PCSK5: variants seen among roughly 807,000 people sequenced by gnomAD.
PCSK5 encodes the protein proprotein convertase subtilisin/kexin type 5.
In PCSK5, 129 loss-of-function variants were observed where a neutral mutation model predicts 233.2. That is an observed-to-expected ratio of 0.55 (90% CI 0.48 to 0.64). PCSK5 has a LOEUF of 0.64. Among genes scored for constraint, PCSK5 ranks in the 30% least tolerant of loss-of-function variants. The pLI is 0.00. For missense variants in PCSK5, 2,076 were observed against 2,430.1 expected (o/e 0.85, Z 3.06); for synonymous variants, 825 against 879.2 (o/e 0.94, Z 1.09).
intron 35 of PCSK5, among the ~76,000 whole-genome samples, chr9:76,347,858 T>C: frequency 6.7e-6 from 1 of 150,128 alleles, no homozygotes; most frequent in Non-Finnish European, 1.5e-5. Context: ...CTTTTAGTGT[T>C]TTCTACTCTT....
At chr9:76,285,650 C>G (rs1828039171) in intron 24 of PCSK5, among the ~76,000 whole-genome samples, 1 of 152,090 alleles carries the variant, frequency 6.6e-6, no homozygotes, top group Non-Finnish European at 1.5e-5. Context: ...AAATTACCCC[C>G]CCACCACCAG....
At chr9:75,920,371 C>T (rs1286649153) in intron 1 of PCSK5, among the ~76,000 whole-genome samples, 1 of 152,138 alleles carries the variant, frequency 6.6e-6, no homozygotes, top group Non-Finnish European at 1.5e-5. Flanking sequence ...TCAATGCAGC[C>T]TCAAACTCCT....
intron 3 of PCSK5, among the ~76,000 whole-genome samples, chr9:76,008,699 A>T (rs1827591354): frequency 6.6e-6 from 1 of 152,142 alleles, no homozygotes; most frequent in Admixed American, 6.5e-5. Flanking sequence ...TGACCTCGTG[A>T]TCCACCTGCC....
intron 2 of PCSK5, among the ~76,000 whole-genome samples, chr9:75,968,584 A>G (rs777798114): frequency 2.6e-5 from 4 of 152,234 alleles, no homozygotes; most frequent in Non-Finnish European, 5.9e-5. Context: ...GCCCTCACCT[A>G]GAAGGTGCGA....
intron 30 of PCSK5, among the ~76,000 whole-genome samples, chr9:76,311,276 G>T (rs1184388738): frequency 6.6e-6 from 1 of 151,540 alleles, no homozygotes; most frequent in Non-Finnish European, 1.5e-5. Context: ...AGGATTCCTT[G>T]AGCCCAGGAG....
intron 5 of PCSK5, among the ~76,000 whole-genome samples, chr9:76,045,063 A>G (rs905853469): frequency 6.6e-6 from 1 of 152,226 alleles, no homozygotes; most frequent in African/African-American, 2.4e-5. Flanking sequence ...GATGTAGAAG[A>G]GGAACATGAT....
At chr9:76,313,934 T>A (rs531936822) in intron 30 of PCSK5, among the ~76,000 whole-genome samples, 75 of 152,154 alleles carry the variant, frequency 4.9e-4, no homozygotes, top group Non-Finnish European at 9.1e-4. Flanking sequence ...CCCAGCAAAC[T>A]CAGCCAAGTG....
chr9:75,969,148 G>A (rs1241989653), intron 2 of PCSK5, among the ~76,000 whole-genome samples: 2 of 152,126 alleles, frequency 1.3e-5, no homozygotes, highest in Admixed American at 6.6e-5. Flanking sequence ...GGTTACAAAC[G>A]ACAATGAATC....
rs560289458 is a variant in PCSK5 at position 76,090,375 on chromosome 9, A to T, written c.895-5515A>T. Among the ~76,000 whole-genome samples, 3 of 152,162 alleles carry T rather than the reference A, an allele frequency of 2.0e-5. No individual in the cohort carries two copies. The East Asian group carries it at 5.8e-4, about 29-fold the overall frequency. ...CCCCCTGTGCCTCTGTAGGAAATGT[A>T]TCTTTGAATTGCTAATTGTTTAGGA... On this transcript the variant is annotated intron_variant, in intron 7 of 37. Coordinates refer to ENST00000674117, the MANE Select transcript of PCSK5 (RefSeq NM_001372043.1).
chr9:76,114,071 G>A (rs1832330351), intron 9 of PCSK5, among the ~76,000 whole-genome samples: 1 of 152,042 alleles, frequency 6.6e-6, no homozygotes, highest in African/African-American at 2.4e-5. Flanking sequence ...TACTCTTAGA[G>A]TTTTTTTGTG....
chr9:76,134,400 G>A (rs1336953895), intron 10 of PCSK5, among the ~76,000 whole-genome samples, 188 bp downstream of exon 10: 2 of 152,004 alleles, frequency 1.3e-5, no homozygotes, highest in East Asian at 3.9e-4. Flanking sequence ...AGATAAGGGA[G>A]ATTTCTTTGG....
At chr9:75,908,470 T>A (rs1224877999) in intron 1 of PCSK5, among the ~76,000 whole-genome samples, 1 of 152,314 alleles carries the variant, frequency 6.6e-6, no homozygotes, top group Non-Finnish European at 1.5e-5. Context: ...TCTTACCCTG[T>A]CCCCACTGCC....
At chr9:76,263,872 G>T (rs1471280333) in intron 24 of PCSK5, among the ~76,000 whole-genome samples, 1 of 151,918 alleles carries the variant, frequency 6.6e-6, no homozygotes, top group Non-Finnish European at 1.5e-5. Flanking sequence ...TATCATTAAA[G>T]TGGCCATACT....
intron 20 of PCSK5, chr9:76,205,333 T>G (rs895136726): frequency 3.5e-4 from 169 of 481,852 alleles, no homozygotes; most frequent in Admixed American, 1.1e-3. Context: ...CGTGAGGAGG[T>G]GGCGAGACAT....
chr9:75,935,956 G>C (rs1463416469), intron 2 of PCSK5, among the ~76,000 whole-genome samples: 4 of 152,260 alleles, frequency 2.6e-5, no homozygotes, highest in Admixed American at 1.3e-4. Context: ...GCACACCTCA[G>C]AGATAGTGCA....
chr9:76,227,482 CAACT>C lies in PCSK5; in HGVS notation c.2627-19_2627-16del, dbSNP rs1265396243. ...GCTTGCCATGTAGAAATGAAATAAA[CAACT>C]AGATTTTGTTCCCCAGGAGAATATG... On this transcript the variant is annotated splice_polypyrimidine_tract_variant and intron_variant, in intron 20 of 37. Coordinates refer to ENST00000674117, the MANE Select transcript of PCSK5 (RefSeq NM_001372043.1). The C allele has an allele frequency of 6.5e-7, 1 of 1,549,414 alleles. No homozygotes were observed. The highest frequency in any genetic ancestry group is 1.4e-5 in the African/African-American group (1 of 73,690).
chr9:76,012,962 G>A (rs1449952298), intron 3 of PCSK5, among the ~76,000 whole-genome samples: 1 of 152,116 alleles, frequency 6.6e-6, no homozygotes, highest in Non-Finnish European at 1.5e-5. Context: ...CTTTAGAACT[G>A]TTAGAATATT....
At chr9:76,201,370 T>G (rs1043353915) in intron 20 of PCSK5, among the ~76,000 whole-genome samples, 3 of 152,192 alleles carry the variant, frequency 2.0e-5, no homozygotes, top group African/African-American at 7.2e-5. Flanking sequence ...GTACTTCCAA[T>G]AGCCTGATTC....
chr9:75,984,565 A>G (rs1436672401), intron 2 of PCSK5, among the ~76,000 whole-genome samples: 1 of 152,234 alleles, frequency 6.6e-6, no homozygotes, highest in Non-Finnish European at 1.5e-5. Flanking sequence ...TACAAGTTGC[A>G]TAGTCAAAAT....
Sources: allele counts gnomAD v4.1 joint callset (sites outside exome capture counted in the v4.1 genomes callset), GRCh38; gene constraint gnomAD v4.1.1; transcripts MANE v1.5; gene names NCBI Gene and HGNC (gene_info 2026-07-23, HGNC 2026-07-21).